MS4A4A: variants seen among roughly 807,000 people sequenced by gnomAD.
MS4A4A encodes the protein membrane spanning 4-domains A4A, also known as membrane-spanning 4-domains subfamily A member 4A.
Under a neutral mutation model 28.0 loss-of-function variants are expected in MS4A4A, and 26 were observed. The ratio of observed to expected loss-of-function variants is 0.93; its 90% CI spans 0.68 to 1.29. MS4A4A has a LOEUF of 1.29. Among genes scored for constraint, MS4A4A ranks in the 50% most tolerant of loss-of-function variants. The probability of loss-of-function intolerance (pLI) is 0.00; values close to 1 mark genes in which losing one functional copy is unlikely to be tolerated. For missense variants in MS4A4A, 290 were observed against 293.1 expected, an observed-to-expected ratio of 0.99 and a Z score of 0.08; for synonymous variants, 86 against 100.8, an observed-to-expected ratio of 0.85 and a Z score of 0.88.
At chr11:60,296,700 A>C (rs2084908433) in intron 2 of MS4A4A, among the ~76,000 whole-genome samples, 1 of 152,150 alleles carries the variant, frequency 6.6e-6, no homozygotes, top group Non-Finnish European at 1.5e-5. Context: ...CCATGGGATA[A>C]TGGTACTCTT....
At chr11:60,300,640 A>AAT (rs2084945791) in intron 3 of MS4A4A, among the ~76,000 whole-genome samples, 4 of 151,596 alleles carry the variant, frequency 2.6e-5, no homozygotes, top group Non-Finnish European at 5.9e-5. Flanking sequence ...AAAAAAAAAA[A>AAT]AAATTCTAAA....
intron 6 of MS4A4A, among the ~76,000 whole-genome samples, chr11:60,306,858 G>C (rs890420456): frequency 6.6e-6 from 1 of 152,122 alleles, no homozygotes; most frequent in Non-Finnish European, 1.5e-5. Context: ...AACTTTTCCT[G>C]GTATATTTCC....
At chr11:60,282,637 A>G in intron 1 of MS4A4A, 1 of 1,286,748 alleles carries the variant, frequency 7.8e-7, no homozygotes, top group Non-Finnish European at 1.0e-6. Flanking sequence ...TGGTTTCAAT[A>G]TATGCAGATG....
In MS4A4A at chr11:60,292,290, G is replaced by A. The variant is rs745677868; in HGVS notation, c.107G>A (p.Gly36Asp). The A allele has an allele frequency of 3.7e-6, 6 of 1,607,770 alleles. No homozygotes were observed. In the Middle Eastern group the frequency reaches 5.0e-4, roughly 133 times the overall value. The change falls in exon 2 of 7, where the codon GGT becomes GAT. Residue 36 changes from glycine to aspartate, a missense_variant. By Grantham distance (94) the Gly-to-Asp change is moderately conservative. Transcript: ENST00000337908. ...MEQAMPGAGP[G>D]VPQLGNMAVI... The stretch of plus-strand genomic sequence containing the variant: ...CAGGCCATGCCAGGGGCTGGCCCTG[G>A]TGTGCCCCAGCTGGGAAACATGGCT...
chr11:60,283,345 G>C (rs1241061010), intron 1 of MS4A4A, among the ~76,000 whole-genome samples: 1 of 152,182 alleles, frequency 6.6e-6, no homozygotes, highest in Admixed American at 6.5e-5. Context: ...GGGATTACAG[G>C]ATTGAGTCAA....
chr11:60,282,784 A>G (rs1341935882), intron 1 of MS4A4A: 1 of 1,199,674 alleles, frequency 8.3e-7, no homozygotes, highest in Non-Finnish European at 1.1e-6. Flanking sequence ...AGCTTTTGTT[A>G]TCAACATTAA....
intron 2 of MS4A4A, among the ~76,000 whole-genome samples, chr11:60,292,983 AG>A (rs899675000): frequency 2.6e-5 from 4 of 152,020 alleles, no homozygotes; most frequent in Non-Finnish European, 5.9e-5. Context: ...CATTTTCTGG[AG>A]GGGGGGAAAT....
At chr11:60,304,188 T>C (rs1248224158) in intron 5 of MS4A4A, among the ~76,000 whole-genome samples, 3 of 152,210 alleles carry the variant, frequency 2.0e-5, no homozygotes, top group Non-Finnish European at 2.9e-5. Flanking sequence ...AGAAGGACCT[T>C]ACTTTTAGTT....
At chr11:60,284,989 A>G (rs867863653) in intron 1 of MS4A4A, among the ~76,000 whole-genome samples, 3 of 152,190 alleles carry the variant, frequency 2.0e-5, no homozygotes, top group South Asian at 2.1e-4. Context: ...ACATTAGAAG[A>G]CCTAAATAGA....
intron 1 of MS4A4A, among the ~76,000 whole-genome samples, chr11:60,284,311 T>C (rs1255128669): frequency 6.6e-6 from 1 of 152,228 alleles, no homozygotes; most frequent in African/African-American, 2.4e-5. Flanking sequence ...TTGACTATTA[T>C]TACTGGTATT....
At chr11:60,306,235 T>G in intron 6 of MS4A4A, 34 bp downstream of exon 6, 2 of 1,496,194 alleles carry the variant, frequency 1.3e-6, no homozygotes. Context: ...GATGACTGTA[T>G]TAGTTTTCTA....
In MS4A4A at chr11:60,302,737, AG is replaced by A; in HGVS notation, c.546+24del. 6.2e-7 allele frequency: 1 copy of A among 1,608,140 alleles called. No homozygotes were observed. Among genetic ancestry groups the A allele is most frequent in the Non-Finnish European group, 8.5e-7 (1 of 1,175,716 alleles). ...TTAATGGTTGGTACTGCCTCTTTTC[AG>A]GGGATATTATTATAGAAGCAAGTTT... On this transcript the variant is annotated intron_variant, in intron 5 of 6. Coordinates refer to ENST00000337908, the MANE Select transcript of MS4A4A (RefSeq NM_148975.3).
At chr11:60,304,605 T>G (rs1463573527) in intron 5 of MS4A4A, among the ~76,000 whole-genome samples, 1 of 152,222 alleles carries the variant, frequency 6.6e-6, no homozygotes, top group African/African-American at 2.4e-5. Context: ...ATGCTACCTT[T>G]TTTTGGAGGC....
chr11:60,299,208 C>T (rs1016366559), intron 3 of MS4A4A, among the ~76,000 whole-genome samples: 3 of 152,070 alleles, frequency 2.0e-5, no homozygotes, highest in African/African-American at 7.2e-5. Flanking sequence ...TTTTAGTTCA[C>T]GTTCTTGAAT....
chr11:60,304,253 T>A (rs2084978165), intron 5 of MS4A4A, among the ~76,000 whole-genome samples: 1 of 152,192 alleles, frequency 6.6e-6, no homozygotes, highest in African/African-American at 2.4e-5. Context: ...AGACAAAATC[T>A]GGAATTGGCC....
Position 60,292,307 on chromosome 11 carries a change from A to G in MS4A4A, c.124A>G (p.Asn42Asp), listed in dbSNP as rs1253967176. The G allele has an allele frequency of 6.2e-7, 1 of 1,610,482 alleles. No individual in the cohort carries two copies. Among genetic ancestry groups the G allele is most frequent in the South Asian group, 1.1e-5 (1 of 90,544 alleles). Residue 42 changes from asparagine to aspartate, a missense_variant, in exon 2 of 7, where the codon AAC becomes GAC. Physicochemically the swap from Asn to Asp is conservative, Grantham distance 23. Transcript: ENST00000337908. Reference sequence around the variant, plus strand: ...TGGCCCTGGTGTGCCCCAGCTGGGAAACATGGCTGTCATACATTCACATCT... The same window carrying G: ...TGGCCCTGGTGTGCCCCAGCTGGGAGACATGGCTGTCATACATTCACATCT... ...GAGPGVPQLG[N>D]MAVIHSHLWK...
intron 6 of MS4A4A, among the ~76,000 whole-genome samples, chr11:60,306,802 A>T (rs1411839157): frequency 6.6e-6 from 1 of 152,222 alleles, no homozygotes; most frequent in Non-Finnish European, 1.5e-5. Context: ...CACAATGAAG[A>T]GGTCCCCAAA....
chr11:60,297,007 G>A (rs1041392390), intron 2 of MS4A4A, 190 bp from the exon 3 acceptor site: 35 of 653,758 alleles, frequency 5.4e-5, no homozygotes, highest in African/African-American at 4.8e-4. Context: ...GATAGACGTC[G>A]CGAGAGATAA....
At chr11:60,288,000 TC>T (rs2084817615) in intron 1 of MS4A4A, among the ~76,000 whole-genome samples, 1 of 152,204 alleles carries the variant, frequency 6.6e-6, no homozygotes, top group Non-Finnish European at 1.5e-5. Context: ...CTGGGCTCAG[TC>T]CATGCTTCAG....
Sources: gnomAD v4.1 joint callset for allele counts (sites outside exome capture counted in the v4.1 genomes callset) on GRCh38, gnomAD v4.1.1 for gene constraint, MANE v1.5 for transcripts, NCBI Gene and HGNC (gene_info 2026-07-23, HGNC 2026-07-21) for gene names.